The following GEMIN4 variants were observed in gnomAD, a reference collection of about 807,000 sequenced individuals.
GEMIN4 encodes gem nuclear organelle associated protein 4.
GEMIN4 carries 59 observed loss-of-function variants against 76.8 expected under a neutral mutation model. The ratio of observed to expected loss-of-function variants is 0.77; its 90% CI spans 0.62 to 0.95. GEMIN4 has a LOEUF of 0.95. Ranked by LOEUF, GEMIN4 falls within the 40% of genes least tolerant of loss-of-function variation. The pLI is 0.00. For missense variants in GEMIN4, 1,311 were observed against 1,318.9 expected, an observed-to-expected ratio of 0.99 and a Z score of 0.09; for synonymous variants, 562 against 559.7, an observed-to-expected ratio of 1.00 and a Z score of -0.06.
At position 745,960 on chromosome 17, in the gene GEMIN4, A is replaced by C; in HGVS notation, c.2083T>G (p.Phe695Val). Reference sequence around the variant, plus strand: ...TGGCACAAGCTGAAGAGGAGTGGAAACGGGGAGCAGGTCTGGAGCCAGTAT... The same window carrying C: ...TGGCACAAGCTGAAGAGGAGTGGAACCGGGGAGCAGGTCTGGAGCCAGTAT... Reference protein sequence around the residue: ...EEYWLQTCSPFPLLFSLCQLL... With the variant: ...EEYWLQTCSPVPLLFSLCQLL... Residue 695 changes from phenylalanine (F) to valine (V), a missense_variant, in exon 2 of 2, where the codon TTT becomes GTT. Physicochemically the swap from Phe to Val is conservative, Grantham distance 50. Around this residue, in one of 2 missense-constraint regions of GEMIN4, gnomAD observed 1,208 missense variants for 1,166.9 expected, o/e 1.04. Coordinates refer to ENST00000319004, the MANE Select transcript of GEMIN4 (RefSeq NM_015721.3). This position sits in a 1 kb window ranked among gnomAD's most constrained non-coding sequence, Gnocchi z 4.6. The C allele has an allele frequency of 6.2e-7, 1 of 1,613,142 alleles. No homozygotes were observed. Among genetic ancestry groups the C allele is most frequent in the Non-Finnish European group, 8.5e-7 (1 of 1,179,842 alleles).
chr17:746,196 G>C lies in GEMIN4; in HGVS notation c.1847C>G (p.Ser616Cys). ...AAATTGCTTTTCTTCCTTGGGTGTAGAGAACTTCATCCAGACGGTTTCTTT... is the reference window on the plus strand; with the variant it reads ...AAATTGCTTTTCTTCCTTGGGTGTACAGAACTTCATCCAGACGGTTTCTTT... ...CLKETVWMKF[S>C]TPKEEKQFLE... is the part of the protein sequence containing the mutation. The change falls in exon 2 of 2, where the codon TCT (serine) becomes TGT (cysteine). Residue 616 changes from serine to cysteine, a missense_variant. Around this residue, in one of 2 missense-constraint regions of GEMIN4, gnomAD observed 1,208 missense variants for 1,166.9 expected, o/e 1.04. Transcript: ENST00000319004. This position sits in a 1 kb window ranked among gnomAD's most constrained non-coding sequence, Gnocchi z 4.3. 1.9e-6 allele frequency: 3 copies of C among 1,613,878 alleles called. No individual in the cohort carries two copies. The highest frequency in any genetic ancestry group is 1.7e-6 in the Non-Finnish European group (2 of 1,179,902).
At chr17:752,934 C>T (rs1904837721), upstream of GEMIN4, 1 of 154,318 alleles carries the variant, frequency 6.5e-6, no homozygotes, top group Admixed American at 6.5e-5. Context: ...CTGAAGGGTC[C>T]CGTGAGCGAT....
chr17:751,968 C>A (rs1904731626), intron 1 of GEMIN4, 165 bp downstream of exon 1: 2 of 434,042 alleles, frequency 4.6e-6, no homozygotes, highest in Non-Finnish European at 7.6e-6. Flanking sequence ...CCCGGACCAC[C>A]CCCCGCCAAG....
upstream of GEMIN4, chr17:752,491 C>A: frequency 2.3e-6 from 1 of 440,156 alleles, no homozygotes; most frequent in Non-Finnish European, 3.5e-6. Context: ...CACCCTCACC[C>A]GGTAACCCCG....
chr17:752,622 C>T, upstream of GEMIN4: 1 of 1,008,884 alleles, frequency 9.9e-7, no homozygotes, highest in Non-Finnish European at 1.2e-6. Flanking sequence ...ACATACAGTC[C>T]CTCAACGCGC....
rs747971249 is a variant in GEMIN4, at chr17:745,805, G to A, written c.2238C>T (p.Thr746=). ...ACTTGATCCAGACATCCGGGGAGAA[G>A]GTCTCAGCATTGGCTGATACAATCT... ...LCEIVSANAE[T]FSPDVWIKSL... Residue 746 remains threonine, a synonymous_variant, in exon 2 of 2, where the codon ACC becomes ACT. Transcript: ENST00000319004. This position sits in a 1 kb window ranked among gnomAD's most constrained non-coding sequence, Gnocchi z 4.6. The A allele has an allele frequency of 1.2e-6, 2 of 1,612,978 alleles. No homozygotes were observed. Among genetic ancestry groups the A allele is most frequent in the East Asian group, 4.5e-5 (2 of 44,866 alleles).
upstream of GEMIN4, chr17:752,383 C>T (rs974996695): frequency 1.4e-4 from 124 of 915,396 alleles, no homozygotes; most frequent in Non-Finnish European, 1.7e-4. Flanking sequence ...CCCTCAGGTA[C>T]CCGGACGTCG....
upstream of GEMIN4, chr17:753,438 T>C (rs1904858955): frequency 6.4e-6 from 1 of 156,456 alleles, no homozygotes; most frequent in East Asian, 2.0e-4. Context: ...CAAAGGGGCG[T>C]CCAAGATGGA....
At position 747,485 on chromosome 17, in the gene GEMIN4, G is replaced by T; in HGVS notation, c.558C>A (p.Ala186=). Residue 186 remains alanine, a synonymous_variant, in exon 2 of 2, where the codon GCC becomes GCA. Coordinates refer to ENST00000319004, the MANE Select transcript of GEMIN4 (RefSeq NM_015721.3). ...CATCTAAGGCAGGCAGGTACTTATG[G>T]GCCATTGCACTAAACTGGGAGAGCA... The part of the protein sequence containing the change: ...DPLLSQFSAM[A]HKYLPALDEF... 1 of 1,613,760 alleles carries T rather than the reference G, an allele frequency of 6.2e-7. No homozygotes were observed. Among genetic ancestry groups the T allele is most frequent in the Non-Finnish European group, 8.5e-7 (1 of 1,179,776 alleles).
At chr17:754,105 CA>C, upstream of GEMIN4, 1 of 152,362 alleles carries the variant, frequency 6.6e-6, no homozygotes, top group Non-Finnish European at 1.5e-5. Context: ...GCCGGGCAAC[CA>C]AAATGTTCCC....
rs377571129 is a variant in GEMIN4, at chr17:745,773, G to A, written c.2270C>T (p.Ser757Phe). ...CTGTTCTAACTTGCGGTGGAGCCAGGACAGGGACTTGATCCAGACATCCGG... is the reference window on the plus strand; with the variant it reads ...CTGTTCTAACTTGCGGTGGAGCCAGAACAGGGACTTGATCCAGACATCCGG... Reference protein sequence around the residue: ...FSPDVWIKSLSWLHRKLEQLD... With the variant: ...FSPDVWIKSLFWLHRKLEQLD... Residue 757 changes from serine to phenylalanine, a missense_variant, in exon 2 of 2, where the codon TCC becomes TTC. Transcript: ENST00000319004. This position sits in a 1 kb window ranked among gnomAD's most constrained non-coding sequence, Gnocchi z 4.6. 2.5e-6 allele frequency: 4 copies of A among 1,611,750 alleles called. No homozygotes were observed. Among genetic ancestry groups the A allele is most frequent in the Non-Finnish European group, 3.4e-6 (4 of 1,179,098 alleles).
upstream of GEMIN4, chr17:752,292 G>A: frequency 8.2e-7 from 1 of 1,224,016 alleles, no homozygotes; most frequent in Non-Finnish European, 1.0e-6. Flanking sequence ...CCCGCCCACA[G>A]CCTCCGCCGC....
rs754509330 is a variant in GEMIN4 at position 744,869 on chromosome 17, G to A, written c.3174C>T (p.Phe1058=). The part of the protein sequence containing the change: ...RQTLLQKMSS[F] ...GGGCCCAGCTCCCCACGCCAAGTCAGAAGCTGCTCATCTTCTGCAACAGGG... is the reference window on the plus strand; with the variant it reads ...GGGCCCAGCTCCCCACGCCAAGTCAAAAGCTGCTCATCTTCTGCAACAGGG... The change falls in exon 2 of 2, where the codon TTC becomes TTT. Residue 1058 remains phenylalanine (F), a synonymous_variant. Transcript: ENST00000319004. 6.2e-7 allele frequency: 1 copy of A among 1,607,978 alleles called. No homozygotes were observed. The highest frequency in any genetic ancestry group is 8.5e-7 in the Non-Finnish European group (1 of 1,177,084).
chr17:751,257 C>T (rs975253247), intron 1 of GEMIN4, among the ~76,000 whole-genome samples: 1 of 152,168 alleles, frequency 6.6e-6, no homozygotes, highest in Admixed American at 6.5e-5. Flanking sequence ...GAGATAAGGA[C>T]ACTGAGGCGC....
At position 747,332 on chromosome 17, in the gene GEMIN4, G is replaced by A; in HGVS notation, c.711C>T (p.Cys237=). 1 of 1,613,778 alleles carries A rather than the reference G, an allele frequency of 6.2e-7. No individual in the cohort carries two copies. The highest frequency in any genetic ancestry group is 1.1e-5 in the South Asian group (1 of 91,080). ...TGTCAGCCAGGTTGGCCAGCGCACA[G>A]CACTTCCTCCCCGGGCCCAGGATCC... ...QSRILGPGRK[C]CALANLADML... The change falls in exon 2 of 2, where the codon TGC becomes TGT. Residue 237 remains cysteine, a synonymous_variant. Transcript: ENST00000319004.
At chr17:752,058 A>G (rs961964434) in intron 1 of GEMIN4, 75 bp downstream of exon 1, 29 of 1,014,718 alleles carry the variant, frequency 2.9e-5, no homozygotes, top group Non-Finnish European at 3.5e-5. Context: ...CGACAGGAGG[A>G]GACGCGACGG....
Position 747,925 on chromosome 17 carries a change from C to G in GEMIN4, c.118G>C (p.Glu40Gln). ...ALAELTKSDW[E>Q]RVGRPIVEAL... is the part of the protein sequence containing the mutation. ...TCCACGATGGGCCGTCCAACACGTT[C>G]CCAGTCAGACTTTGTTAATTCTGCC... is the stretch of plus-strand genomic sequence containing the variant. Residue 40 changes from glutamate (E) to glutamine (Q), a missense_variant, in exon 2 of 2, where the codon GAA becomes CAA. Coordinates refer to ENST00000319004, the MANE Select transcript of GEMIN4 (RefSeq NM_015721.3). 6.2e-7 allele frequency: 1 copy of G among 1,613,842 alleles called. No homozygotes were observed. The highest frequency in any genetic ancestry group is 8.5e-7 in the Non-Finnish European group (1 of 1,179,848).
rs762622001 is a variant in GEMIN4, at chr17:745,937, G to A, written c.2106C>T (p.Cys702=). The change falls in exon 2 of 2, where the codon TGC becomes TGT. Residue 702 remains cysteine (C), a synonymous_variant. Coordinates refer to ENST00000319004, the MANE Select transcript of GEMIN4 (RefSeq NM_015721.3). This position sits in a 1 kb window ranked among gnomAD's most constrained non-coding sequence, Gnocchi z 4.6. ...CSPFPLLFSL[C]QLLDRFSKYW... The stretch of plus-strand genomic sequence containing the variant: ...ATTTGCTGAAGCGGTCCAAGAGCTG[G>A]CACAAGCTGAAGAGGAGTGGAAACG... 2 of 1,613,044 alleles carry A rather than the reference G, an allele frequency of 1.2e-6. No individual in the cohort carries two copies. Among genetic ancestry groups the A allele is most frequent in the Admixed American group, 1.7e-5 (1 of 60,008 alleles).
rs1359185513 is a variant in GEMIN4, at chr17:746,710, T to A, written c.1333A>T (p.Arg445Trp). Residue 445 changes from arginine to tryptophan, a missense_variant, in exon 2 of 2, where the codon AGG becomes TGG. By Grantham distance (101) the Arg-to-Trp change is moderately radical (BLOSUM62 -3). Transcript: ENST00000319004. The surrounding 1 kb of genome is among the most constrained non-coding windows in gnomAD (Gnocchi z 4.3). ...DEWVACLGSN[R>W]ALFRQPDLVL... is the part of the protein sequence containing the mutation. ...AAGTCTGGCTGTCGGAAGAGGGCCC[T>A]GTTACTCCCCAGGCAGGCTACCCAC... The A allele has an allele frequency of 1.2e-6, 2 of 1,613,498 alleles. No homozygotes were observed. Among genetic ancestry groups the A allele is most frequent in the African/African-American group, 2.7e-5 (2 of 74,906 alleles).
Sources: allele counts gnomAD v4.1 joint callset (sites outside exome capture counted in the v4.1 genomes callset), GRCh38; gene constraint gnomAD v4.1.1; regional missense constraint gnomAD v4.1.1; non-coding constraint Gnocchi (gnomAD v3.1); transcripts MANE v1.5; gene names NCBI Gene and HGNC (gene_info 2026-07-23, HGNC 2026-07-21).